The following ZNF778 variants were observed in gnomAD, a reference collection of about 807,000 sequenced individuals.
ZNF778 encodes the protein zinc finger protein 778.
ZNF778 carries 37 observed loss-of-function variants against 23.9 expected under a neutral mutation model. The ratio of observed to expected loss-of-function variants is 1.54; its 90% CI spans 1.19 to 2.03. ZNF778 has a LOEUF of 2.03. Ranked by LOEUF, ZNF778 falls within the 30% of genes most tolerant of loss-of-function variation. The pLI is 0.00. For missense variants in ZNF778, 1,297 were observed against 934.4 expected, an observed-to-expected ratio of 1.39 and a Z score of -5.06; for synonymous variants, 483 against 343.9, an observed-to-expected ratio of 1.40 and a Z score of -4.48.
In ZNF778 at chr16:89,229,114, C is replaced by T; in HGVS notation, c.*552C>T. On this transcript the variant is annotated 3_prime_UTR_variant, in exon 7 of 7. Coordinates refer to ENST00000433976, the MANE Select transcript of ZNF778 (RefSeq NM_001201407.2). ...ATTCTTGGAGTGAGGACTCTGTTCC[C>T]TGTAGAAATCCTCCAGTCTGGTTGC... 1.0e-6 allele frequency: 1 copy of T among 986,080 alleles called. No individual in the cohort carries two copies. Among genetic ancestry groups the T allele is most frequent in the Non-Finnish European group, 1.2e-6 (1 of 830,444 alleles). The allele number at this position is 986,080 out of a possible 1,614,324, so 61.1% of individuals were successfully genotyped here.
At chr16:89,217,932 T>G (rs1285601606) in intron 1 of ZNF778, 22 bp downstream of exon 1, 2 of 152,310 alleles carry the variant, frequency 1.3e-5, no homozygotes, top group African/African-American at 4.8e-5. Context: ...GCCCTTTGCT[T>G]CCTTCACTTT....
At position 89,233,534 on chromosome 16, in the gene ZNF778, C is replaced by T. The variant is rs762796840; in HGVS notation, c.*4972C>T. 2.1e-5 allele frequency: 27 copies of T among 1,284,308 alleles called. No homozygotes were observed. The highest frequency in any genetic ancestry group is 1.7e-4 in the South Asian group (14 of 80,560). The allele number at this position is 1,284,308 out of a possible 1,614,324, so 79.6% of individuals were successfully genotyped here. ...TGTGTATGCAACTCAACTCGCACTG[C>T]GTATGCAAATCAACTCACTGCATAT... On this transcript the variant is annotated 3_prime_UTR_variant, in exon 7 of 7. Transcript: ENST00000433976.
chr16:89,230,200 C>A lies in ZNF778; in HGVS notation c.*1638C>A. 2.6e-6 allele frequency: 1 copy of A among 387,320 alleles called. No homozygotes were observed. The highest frequency in any genetic ancestry group is 3.5e-6 in the Non-Finnish European group (1 of 283,676). The allele number at this position is 387,320 out of a possible 1,614,324, so 24.0% of individuals were successfully genotyped here. ...CCATACCTGATCCCTTCAGATAAAA[C>A]ACCAGGGTGCAAGGAGGGGCAGAGT... On this transcript the variant is annotated 3_prime_UTR_variant, in exon 7 of 7. Coordinates refer to ENST00000433976, the MANE Select transcript of ZNF778 (RefSeq NM_001201407.2).
At chr16:89,225,086 G>A (rs1251140326) in intron 5 of ZNF778, among the ~76,000 whole-genome samples, 2 of 141,694 alleles carry the variant, frequency 1.4e-5, no homozygotes, top group African/African-American at 5.2e-5. Flanking sequence ...TAAAAAACCT[G>A]CTGTTTTGTT....
Position 89,229,484 on chromosome 16 carries a change from G to A in ZNF778, c.*922G>A, listed in dbSNP as rs1456802629. 2.0e-6 allele frequency: 2 copies of A among 975,656 alleles called. No individual in the cohort carries two copies. The highest frequency in any genetic ancestry group is 1.9e-5 in the African/African-American group (1 of 52,468). The allele number at this position is 975,656 out of a possible 1,614,324, so 60.4% of individuals were successfully genotyped here. On this transcript the variant is annotated 3_prime_UTR_variant, in exon 7 of 7. Coordinates refer to ENST00000433976, the MANE Select transcript of ZNF778 (RefSeq NM_001201407.2). ...TTCTGTGTGAGCAGCGTAGGCTCTG[G>A]TTGGTTAGTCTTGAGGATCCAGATG...
At chr16:89,223,892 G>C (rs1555514158) in intron 4 of ZNF778, among the ~76,000 whole-genome samples, 1 of 152,038 alleles carries the variant, frequency 6.6e-6, no homozygotes, top group Non-Finnish European at 1.5e-5. Context: ...AACAAACGTA[G>C]TTCCTGGCCG....
In ZNF778 at chr16:89,228,723, GAC is replaced by G; in HGVS notation, c.*165_*166del. ...ACTCACCCTGGAGCCCTATGCAGCA[GAC>G]ACAGAGAAAGCCCTCAGTGTTCTCT... On this transcript the variant is annotated 3_prime_UTR_variant, in exon 7 of 7. Coordinates refer to ENST00000433976, the MANE Select transcript of ZNF778 (RefSeq NM_001201407.2). The G allele has an allele frequency of 7.0e-7, 1 of 1,430,564 alleles. No individual in the cohort carries two copies. The allele number at this position is 1,430,564 out of a possible 1,614,324, so 88.6% of individuals were successfully genotyped here.
chr16:89,219,270 G>C (rs979368323), intron 1 of ZNF778, among the ~76,000 whole-genome samples: 2 of 152,200 alleles, frequency 1.3e-5, no homozygotes, highest in Non-Finnish European at 2.9e-5. Flanking sequence ...TTTTCACCTA[G>C]AACAACCCCT....
chr16:89,234,146 A>G lies in ZNF778; in HGVS notation c.*5584A>G, dbSNP rs1421862584. ...GAGTGATAAACTTTCCATGTCAGGA[A>G]CCTGTGTGTGTCACTCACTCACCTT... On this transcript the variant is annotated 3_prime_UTR_variant, in exon 7 of 7. Transcript: ENST00000433976. 2.3e-6 allele frequency: 1 copy of G among 443,784 alleles called. No individual in the cohort carries two copies. The highest frequency in any genetic ancestry group is 4.4e-6 in the Non-Finnish European group (1 of 228,752). The allele number at this position is 443,784 out of a possible 1,614,324, so 27.5% of individuals were successfully genotyped here.
rs140862316 is a variant in ZNF778, at chr16:89,220,344, G to T, written c.-131-653G>T. 4.7e-3 allele frequency among the ~76,000 whole-genome samples: 720 copies of T among 152,238 alleles called. 4 individuals are homozygous for T. The highest frequency in any genetic ancestry group is 0.017 in the African/African-American group (696 of 41,538). ...ACCTTTGTCCTGCTGGGGAGTGACCGCAGACTCAGGAGTACAAACTGACGA... is the reference window on the plus strand; with the variant it reads ...ACCTTTGTCCTGCTGGGGAGTGACCTCAGACTCAGGAGTACAAACTGACGA... On this transcript the variant is annotated intron_variant, in intron 1 of 6. Transcript: ENST00000433976.
intron 2 of ZNF778, among the ~76,000 whole-genome samples, chr16:89,221,782 C>CTGTGTG (rs57569493): frequency 4.9e-5 from 7 of 143,688 alleles, no homozygotes; most frequent in East Asian, 2.0e-4. Context: ...CTCTGTATGA[C>CTGTGTG]TGTGTGTGTG....
Position 89,225,563 on chromosome 16 carries a change from CTT to C in ZNF778, c.338_339del (p.Leu113GlnfsTer11). ...GRRAVLQEWR[L>X]KTKGPALRQD... ...TTCTTCTTTCTTTTCAGAATGGCGA[CTT>C]AAAACCAAAGGGCCAGCACTTCGGC... On this transcript the variant is annotated frameshift_variant, in exon 6 of 7. Coordinates refer to ENST00000433976, the MANE Select transcript of ZNF778 (RefSeq NM_001201407.2). LOFTEE classifies it high-confidence loss of function. The C allele has an allele frequency of 6.2e-7, 1 of 1,608,458 alleles. No individual in the cohort carries two copies. The highest frequency in any genetic ancestry group is 8.5e-7 in the Non-Finnish European group (1 of 1,177,232).
intron 6 of ZNF778, among the ~76,000 whole-genome samples, chr16:89,225,845 C>A (rs939172468): frequency 6.6e-6 from 1 of 151,952 alleles, no homozygotes; most frequent in Non-Finnish European, 1.5e-5. Context: ...GCACACATGA[C>A]GAGGTCTTGA....
chr16:89,222,853 G>C (rs2031090313), intron 3 of ZNF778, among the ~76,000 whole-genome samples: 1 of 152,224 alleles, frequency 6.6e-6, no homozygotes, highest in Non-Finnish European at 1.5e-5. Context: ...TGAGCGTGGT[G>C]AGAGAAGCTC....
chr16:89,223,648 C>T (rs1023209536), intron 4 of ZNF778, among the ~76,000 whole-genome samples: 1 of 152,202 alleles, frequency 6.6e-6, no homozygotes, highest in Non-Finnish European at 1.5e-5. Flanking sequence ...TCTTATTGCA[C>T]TTCTGTTATT....
At chr16:89,224,677 T>C (rs2031303787) in intron 4 of ZNF778, 42 bp from the exon 5 acceptor site, 2 of 1,438,182 alleles carry the variant, frequency 1.4e-6, no homozygotes, top group East Asian at 2.5e-5. Context: ...TGTCATCCCC[T>C]GCCTGAGCCT....
Position 89,227,720 on chromosome 16 carries a change from G to A in ZNF778, c.1432G>A (p.Glu478Lys). The change falls in exon 7 of 7, where the codon GAA becomes AAA. Residue 478 changes from glutamate to lysine, a missense_variant. Coordinates refer to ENST00000433976, the MANE Select transcript of ZNF778 (RefSeq NM_001201407.2). ...VRTHTGEKPY[E>K]CKDCGKSFTV... ...GACTCACACTGGAGAGAAACCATAT[G>A]AATGTAAAGATTGTGGGAAATCCTT... is the stretch of plus-strand genomic sequence containing the variant. The A allele has an allele frequency of 6.2e-7, 1 of 1,614,114 alleles. No individual in the cohort carries two copies. Among genetic ancestry groups the A allele is most frequent in the Non-Finnish European group, 8.5e-7 (1 of 1,180,018 alleles).
Position 89,230,146 on chromosome 16 carries a change from C to T in ZNF778, c.*1584C>T. 1.5e-6 allele frequency: 1 copy of T among 649,626 alleles called. No individual in the cohort carries two copies. Among genetic ancestry groups the T allele is most frequent in the Non-Finnish European group, 1.9e-6 (1 of 524,580 alleles). 40.2% of individuals were successfully genotyped at this position (649,626 alleles called of 1,614,324 possible). On this transcript the variant is annotated 3_prime_UTR_variant, in exon 7 of 7. Transcript: ENST00000433976. ...AATGTTGGGGCATAACACAGCTCTACATTTTATGAAAATGCCCTTGTTCCT... is the reference window on the plus strand; with the variant it reads ...AATGTTGGGGCATAACACAGCTCTATATTTTATGAAAATGCCCTTGTTCCT...
chr16:89,220,772 T>A (rs1374075131), intron 1 of ZNF778, among the ~76,000 whole-genome samples: 1 of 152,190 alleles, frequency 6.6e-6, no homozygotes, highest in Non-Finnish European at 1.5e-5. Context: ...CCAGGCTGTT[T>A]TAGGTATGAA....
Sources: allele counts gnomAD v4.1 joint callset (sites outside exome capture counted in the v4.1 genomes callset), GRCh38; gene constraint gnomAD v4.1.1; transcripts MANE v1.5; gene names NCBI Gene and HGNC (gene_info 2026-07-23, HGNC 2026-07-21).